Variants in CAMK1D observed in about 807,000 individuals in gnomAD.
CAMK1D encodes calcium/calmodulin dependent protein kinase ID.
Under a neutral mutation model 47.7 loss-of-function variants are expected in CAMK1D, and 9 were observed. The observed-to-expected ratio is 0.19, with a 90% CI of 0.11 to 0.33. The LOEUF (loss-of-function observed/expected upper bound fraction) is 0.33, where lower values mean the gene tolerates loss of function less well. CAMK1D is among the 10% of genes least tolerant of loss of function. CAMK1D has a pLI of 1.00. For missense variants in CAMK1D, 291 were observed against 488.7 expected, an observed-to-expected ratio of 0.60 and a Z score of 3.81; for synonymous variants, 184 against 184.9, an observed-to-expected ratio of 0.99 and a Z score of 0.04.
intron 1 of CAMK1D, among the ~76,000 whole-genome samples, chr10:12,468,655 G>T (rs139436790): frequency 6.6e-6 from 1 of 152,172 alleles, no homozygotes; most frequent in South Asian, 2.1e-4. Flanking sequence ...CAGCCCTCTG[G>T]TGGGGGCCCT....
chr10:12,685,789 C>T (rs1360220806), intron 3 of CAMK1D, among the ~76,000 whole-genome samples: 3 of 152,162 alleles, frequency 2.0e-5, no homozygotes, highest in Admixed American at 6.5e-5. Flanking sequence ...GACTGGCGAG[C>T]GCCTAGAGAC....
At chr10:12,751,992 T>G (rs191440949) in intron 3 of CAMK1D, among the ~76,000 whole-genome samples, 56 of 152,188 alleles carry the variant, frequency 3.7e-4, no homozygotes, top group African/African-American at 1.3e-3. Flanking sequence ...TATCTTTTTT[T>G]TTTTTTTGAG....
At chr10:12,628,605 A>G (rs953830557) in intron 2 of CAMK1D, among the ~76,000 whole-genome samples, 8 of 152,144 alleles carry the variant, frequency 5.3e-5, no homozygotes, top group South Asian at 4.1e-4. Context: ...ATTTGCTATA[A>G]TTGATGAGCC....
intron 1 of CAMK1D, among the ~76,000 whole-genome samples, chr10:12,398,610 A>G (rs966326546): frequency 6.6e-6 from 1 of 152,180 alleles, no homozygotes; most frequent in Non-Finnish European, 1.5e-5. Flanking sequence ...CGGCCTCCCA[A>G]AGTGCTAGGA....
At chr10:12,440,846 A>G (rs543375251) in intron 1 of CAMK1D, among the ~76,000 whole-genome samples, 191 of 152,360 alleles carry the variant, frequency 1.3e-3, no homozygotes, top group African/African-American at 4.4e-3. Flanking sequence ...GCATCTTGGC[A>G]TACTGAATAT....
chr10:12,573,394 C>T (rs539278589), intron 2 of CAMK1D, among the ~76,000 whole-genome samples: 28 of 152,210 alleles, frequency 1.8e-4, no homozygotes, highest in Non-Finnish European at 3.1e-4. Context: ...GGTGGGTTAC[C>T]GCTAGCATTG....
intron 1 of CAMK1D, among the ~76,000 whole-genome samples, chr10:12,420,525 T>C (rs1173061238): frequency 6.6e-6 from 1 of 152,202 alleles, no homozygotes; most frequent in Non-Finnish European, 1.5e-5. Flanking sequence ...ATTGATTTGT[T>C]TGGGACTTTT....
chr10:12,405,028 T>C (rs967216114), intron 1 of CAMK1D, among the ~76,000 whole-genome samples: 1 of 152,148 alleles, frequency 6.6e-6, no homozygotes, highest in South Asian at 2.1e-4. Context: ...CTTTAAATTT[T>C]TGTTGATAAA....
intron 1 of CAMK1D, among the ~76,000 whole-genome samples, chr10:12,506,083 C>T (rs1472264877): frequency 2.0e-5 from 3 of 152,104 alleles, no homozygotes; most frequent in African/African-American, 7.2e-5. Context: ...TGTATGATGC[C>T]TGTTCAGCTT....
intron 2 of CAMK1D, among the ~76,000 whole-genome samples, chr10:12,637,593 A>G (rs575899819): frequency 7.8e-6 from 1 of 127,784 alleles, no homozygotes; most frequent in Non-Finnish European, 1.6e-5. Context: ...TGGTAGTGCT[A>G]CTGGATTTGC....
At chr10:12,674,496 A>G (rs1328664848) in intron 3 of CAMK1D, among the ~76,000 whole-genome samples, 4 of 151,336 alleles carry the variant, frequency 2.6e-5, no homozygotes, top group African/African-American at 7.3e-5. Context: ...TGCTATTTCA[A>G]TTCTGAGTAT....
intron 1 of CAMK1D, among the ~76,000 whole-genome samples, chr10:12,453,512 G>C (rs986918793): frequency 6.6e-6 from 1 of 152,034 alleles, no homozygotes; most frequent in Non-Finnish European, 1.5e-5. Flanking sequence ...TTTTAAGGCC[G>C]AATAATATTC....
chr10:12,723,470 T>G (rs1834484408), intron 3 of CAMK1D, among the ~76,000 whole-genome samples: 1 of 152,150 alleles, frequency 6.6e-6, no homozygotes, highest in Admixed American at 6.5e-5. Flanking sequence ...GTTATCTACT[T>G]AAGGAAGGTT....
intron 1 of CAMK1D, among the ~76,000 whole-genome samples, chr10:12,446,155 A>G (rs571339364): frequency 2.6e-4 from 40 of 152,310 alleles, no homozygotes; most frequent in African/African-American, 9.4e-4. Context: ...GTCTCGTGCA[A>G]GAGAGAATTC....
chr10:12,402,548 A>C (rs1349788064), intron 1 of CAMK1D, among the ~76,000 whole-genome samples: 1 of 152,192 alleles, frequency 6.6e-6, no homozygotes, highest in Non-Finnish European at 1.5e-5. Flanking sequence ...TCAGTGAGGA[A>C]ATTAAACAGA....
chr10:12,545,623 A>C (rs1398073172), intron 1 of CAMK1D, among the ~76,000 whole-genome samples: 1 of 151,554 alleles, frequency 6.6e-6, no homozygotes, highest in Non-Finnish European at 1.5e-5. Flanking sequence ...AACATGGTGA[A>C]ACCCCGTCTC....
chr10:12,549,908 G>A (rs1188950081), intron 1 of CAMK1D, among the ~76,000 whole-genome samples: 4 of 152,256 alleles, frequency 2.6e-5, no homozygotes, highest in African/African-American at 9.6e-5. Flanking sequence ...TGAGTCCTGC[G>A]GCAACCTCGC....
At chr10:12,585,390 T>G (rs150472978) in intron 2 of CAMK1D, among the ~76,000 whole-genome samples, 1,656 of 152,304 alleles carry the variant, frequency 0.011, 21 homozygotes, top group African/African-American at 0.038. Flanking sequence ...TCTGACCCTG[T>G]AGTTGTTTCT....
At chr10:12,533,511 G>A (rs1451436815) in intron 1 of CAMK1D, among the ~76,000 whole-genome samples, 1 of 152,192 alleles carries the variant, frequency 6.6e-6, no homozygotes, top group Non-Finnish European at 1.5e-5. Flanking sequence ...CAGTCACAGT[G>A]TAGATACTAT....
Sources: allele counts gnomAD v4.1 joint callset (sites outside exome capture counted in the v4.1 genomes callset), GRCh38; gene constraint gnomAD v4.1.1; transcripts MANE v1.5; gene names NCBI Gene and HGNC (gene_info 2026-07-23, HGNC 2026-07-21).